IFT57: variants seen among roughly 807,000 people sequenced by gnomAD.
The protein encoded by IFT57 is intraflagellar transport 57, also known as intraflagellar transport protein 57 homolog.
IFT57 carries 59 observed loss-of-function variants against 56.8 expected under a neutral mutation model. The observed-to-expected ratio is 1.04, with a 90% CI of 0.84 to 1.29. IFT57 has a LOEUF of 1.29. IFT57 is among the 50% of genes most tolerant of loss of function. IFT57 has a pLI of 0.00. For synonymous variants in IFT57, 209 were observed against 186.1 expected (o/e 1.12, Z -1.00); for missense variants, 470 against 522.1 (o/e 0.90, Z 0.97).
At chr3:108,197,642 C>G (rs1278777709) in intron 5 of IFT57, among the ~76,000 whole-genome samples, 1 of 152,118 alleles carries the variant, frequency 6.6e-6, no homozygotes, top group Non-Finnish European at 1.5e-5. Flanking sequence ...ATTTGAAGAG[C>G]TTATATCATA....
chr3:108,215,136 A>C (rs2080364288), intron 3 of IFT57, among the ~76,000 whole-genome samples: 1 of 152,244 alleles, frequency 6.6e-6, no homozygotes, highest in Non-Finnish European at 1.5e-5. Context: ...GAAAAAAATC[A>C]TTTATTCATC....
intron 2 of IFT57, 138 bp downstream of exon 2, chr3:108,219,272 T>G: frequency 1.5e-6 from 1 of 656,002 alleles, no homozygotes; most frequent in Non-Finnish European, 2.6e-6. Flanking sequence ...TAATGTAAAC[T>G]ATTTTAAGGA....
intron 4 of IFT57, among the ~76,000 whole-genome samples, chr3:108,207,975 G>A (rs572924323): frequency 9.2e-5 from 14 of 151,926 alleles, no homozygotes; most frequent in East Asian, 1.9e-4. Context: ...CCCAGGAGGC[G>A]GAGCTTGCAA....
chr3:108,162,991 G>A (rs181418732), intron 10 of IFT57, among the ~76,000 whole-genome samples: 7 of 152,036 alleles, frequency 4.6e-5, no homozygotes, highest in Non-Finnish European at 8.8e-5. Context: ...AGGGGAAAAG[G>A]GGAAGAGAGA....
chr3:108,165,563 T>C, intron 8 of IFT57, 70 bp from the exon 9 acceptor site: 1 of 1,197,930 alleles, frequency 8.3e-7, no homozygotes, highest in Non-Finnish European at 1.2e-6. Context: ...CTGACCTCTT[T>C]GTGTTTGCAA....
rs1212649744 is a variant in IFT57 at position 108,191,620 on chromosome 3, T to C, written c.678A>G (p.Gln226=). The stretch of plus-strand genomic sequence containing the variant: ...CTGTTGTGGATTCCAAAATATCTTC[T>C]TGTTTGGCAGTCTCGTTCATATCCT... ...YHLDMNETAK[Q]EDILESTTDA... Residue 226 remains glutamine (Q), a synonymous_variant, in exon 6 of 11, where the codon CAA becomes CAG. Coordinates refer to ENST00000264538, the MANE Select transcript of IFT57 (RefSeq NM_018010.4). The C allele has an allele frequency of 1.2e-6, 2 of 1,609,360 alleles. No individual in the cohort carries two copies. Among genetic ancestry groups the C allele is most frequent in the South Asian group, 1.1e-5 (1 of 90,422 alleles).
At chr3:108,188,679 T>C (rs9832007) in intron 6 of IFT57, among the ~76,000 whole-genome samples, 14,645 of 152,278 alleles carry the variant, frequency 0.096, 766 homozygotes, top group Middle Eastern at 0.12. Context: ...AATAAGGGTC[T>C]AACTTTCAAC....
chr3:108,163,639 C>A, intron 10 of IFT57, 24 bp downstream of exon 10: 1 of 1,550,120 alleles, frequency 6.5e-7, no homozygotes, highest in Non-Finnish European at 8.9e-7. Flanking sequence ...CTCAGTTTTT[C>A]CCCTAAAATG....
chr3:108,205,437 T>G (rs1395132003), intron 5 of IFT57, among the ~76,000 whole-genome samples: 1 of 151,910 alleles, frequency 6.6e-6, no homozygotes, highest in African/African-American at 2.4e-5. Context: ...CATCTCAAGT[T>G]GGGCAGAAAA....
intron 6 of IFT57, among the ~76,000 whole-genome samples, chr3:108,190,018 G>A (rs550234526): frequency 3.3e-5 from 5 of 152,218 alleles, no homozygotes; most frequent in East Asian, 1.9e-4. Flanking sequence ...TGTCTCAGAG[G>A]TGGCAGAGGC....
intron 5 of IFT57, among the ~76,000 whole-genome samples, chr3:108,203,139 C>G (rs2080288677): frequency 6.6e-6 from 1 of 152,192 alleles, no homozygotes; most frequent in Non-Finnish European, 1.5e-5. Context: ...TGGAGTATGC[C>G]CTTCCCAGGG....
chr3:108,166,682 T>C (rs535109503), intron 8 of IFT57, among the ~76,000 whole-genome samples, 172 bp downstream of exon 8: 18 of 152,102 alleles, frequency 1.2e-4, no homozygotes, highest in African/African-American at 3.9e-4. Context: ...CTATTACATG[T>C]GAAATGGAAA....
At chr3:108,211,068 AGTAT>A (rs2080340354) in intron 4 of IFT57, among the ~76,000 whole-genome samples, 1 of 152,242 alleles carries the variant, frequency 6.6e-6, no homozygotes, top group African/African-American at 2.4e-5. Flanking sequence ...ATATTTAATG[AGTAT>A]GTACTATGCA....
At chr3:108,171,149 A>G (rs927351101) in intron 6 of IFT57, among the ~76,000 whole-genome samples, 4 of 151,852 alleles carry the variant, frequency 2.6e-5, no homozygotes, top group African/African-American at 7.3e-5. Context: ...ACTGCAGGGT[A>G]AGAAACTGCT....
chr3:108,222,331 G>T lies in IFT57; in HGVS notation c.-9C>A, dbSNP rs1327491415. The T allele has an allele frequency of 6.9e-6, 11 of 1,602,614 alleles. No homozygotes were observed. Among genetic ancestry groups the T allele is most frequent in the Non-Finnish European group, 9.4e-6 (11 of 1,173,846 alleles). Reference sequence around the variant, plus strand: ...GCCAGAGCAGCAGTCATCGCAGAACGGACAGAGTCCAGCGTGGGCTCAGGC... The same window carrying T: ...GCCAGAGCAGCAGTCATCGCAGAACTGACAGAGTCCAGCGTGGGCTCAGGC... On this transcript the variant is annotated 5_prime_UTR_variant, in exon 1 of 11. Coordinates refer to ENST00000264538, the MANE Select transcript of IFT57 (RefSeq NM_018010.4).
At chr3:108,182,125 T>C (rs1007421751) in intron 6 of IFT57, among the ~76,000 whole-genome samples, 1 of 152,094 alleles carries the variant, frequency 6.6e-6, no homozygotes, top group Non-Finnish European at 1.5e-5. Flanking sequence ...TCTTCATTCC[T>C]AAATTATAAC....
At chr3:108,173,568 G>A (rs919793888) in intron 6 of IFT57, among the ~76,000 whole-genome samples, 7 of 151,624 alleles carry the variant, frequency 4.6e-5, no homozygotes, top group African/African-American at 1.7e-4. Context: ...GCCTCAGTTG[G>A]GCAAAACCAT....
intron 6 of IFT57, 80 bp downstream of exon 6, chr3:108,191,441 A>G (rs2080214200): frequency 1.1e-6 from 1 of 932,106 alleles, no homozygotes. Context: ...AATAATTTTT[A>G]TAATTGGGAG....
In IFT57 at chr3:108,191,585, T is replaced by G; in HGVS notation, c.713A>C (p.Glu238Ala). The G allele has an allele frequency of 4.3e-6, 7 of 1,609,836 alleles. No individual in the cohort carries two copies. The highest frequency in any genetic ancestry group is 5.1e-6 in the Non-Finnish European group (6 of 1,176,360). ...DILESTTDAA[E>A]WSLEVERVLP... ...TACACGTTCCACTTCTAGGCTCCAT[T>G]CTGCAGCATCTGTTGTGGATTCCAA... Residue 238 changes from glutamate (E) to alanine (A), a missense_variant, in exon 6 of 11, where the codon GAA becomes GCA. Physicochemically the swap from Glu to Ala is moderately radical, Grantham distance 107. Transcript: ENST00000264538.
Sources: allele counts gnomAD v4.1 joint callset (sites outside exome capture counted in the v4.1 genomes callset), GRCh38; gene constraint gnomAD v4.1.1; transcripts MANE v1.5; gene names NCBI Gene and HGNC (gene_info 2026-07-23, HGNC 2026-07-21).